The following MYO6 variants were observed in gnomAD, a reference collection of about 807,000 sequenced individuals.
The protein encoded by MYO6 is unconventional myosin-VI.
MYO6 carries 74 observed loss-of-function variants against 178.7 expected under a neutral mutation model. The observed-to-expected ratio is 0.41, with a 90% CI of 0.34 to 0.50. The LOEUF (loss-of-function observed/expected upper bound fraction) is 0.50, where lower values mean the gene tolerates loss of function less well. MYO6 is among the 20% of genes least tolerant of loss of function. The pLI, the probability that MYO6 is intolerant of heterozygous loss-of-function variation, is 0.09. For synonymous variants in MYO6, 477 were observed against 504.6 expected (o/e 0.95, Z 0.73); for missense variants, 1,330 against 1,547.4 (o/e 0.86, Z 2.36).
intron 23 of MYO6, among the ~76,000 whole-genome samples, chr6:75,883,780 C>T (rs916401306): frequency 2.6e-5 from 4 of 152,074 alleles, no homozygotes; most frequent in African/African-American, 9.7e-5. Flanking sequence ...TTTACAGTTG[C>T]CCCTTATACT....
rs907177095 is a variant in MYO6, at chr6:75,915,877, A to T, written c.*865A>T. The T allele has an allele frequency of 6.6e-6, 1 of 152,634 alleles. No individual in the cohort carries two copies. Among genetic ancestry groups the T allele is most frequent in the Non-Finnish European group, 1.5e-5 (1 of 68,026 alleles). The allele number at this position is 152,634 out of a possible 1,614,324, so 9.5% of individuals were successfully genotyped here. ...TCATCTCAATAGTGATTTTTGTATC[A>T]GAATCTTGTCCAAGTTGTTTCATTG... On this transcript the variant is annotated 3_prime_UTR_variant, in exon 35 of 35. Transcript: ENST00000369977.
intron 1 of MYO6, chr6:75,768,089 T>G (rs879577759): frequency 6.7e-6 from 1 of 150,298 alleles, no homozygotes; most frequent in Non-Finnish European, 1.5e-5. Context: ...CAGTTTGCAT[T>G]TGCCCAGGAG....
At chr6:75,909,095 A>T (rs1159024791) in intron 32 of MYO6, among the ~76,000 whole-genome samples, 1 of 152,186 alleles carries the variant, frequency 6.6e-6, no homozygotes, top group Non-Finnish European at 1.5e-5. Flanking sequence ...TTGCCATTTT[A>T]TCCAGGCTGG....
At chr6:75,762,818 A>G (rs1778067372) in intron 1 of MYO6, among the ~76,000 whole-genome samples, 1 of 152,200 alleles carries the variant, frequency 6.6e-6, no homozygotes, top group African/African-American at 2.4e-5. Flanking sequence ...ATAATTACAT[A>G]CTTAATGTAT....
chr6:75,759,311 CT>C (rs775892099), intron 1 of MYO6, among the ~76,000 whole-genome samples: 1 of 152,200 alleles, frequency 6.6e-6, no homozygotes. Flanking sequence ...GATTTTACCC[CT>C]GGTGGTTCAC....
At chr6:75,865,954 C>T (rs1481401652) in intron 16 of MYO6, among the ~76,000 whole-genome samples, 3 of 152,120 alleles carry the variant, frequency 2.0e-5, no homozygotes, top group African/African-American at 7.2e-5. Flanking sequence ...TTTAAAAGTT[C>T]TCCAGGTTGA....
At chr6:75,852,634 C>T (rs1775383895) in intron 11 of MYO6, among the ~76,000 whole-genome samples, 1 of 152,138 alleles carries the variant, frequency 6.6e-6, no homozygotes, top group African/African-American at 2.4e-5. Flanking sequence ...TTTCACTTAG[C>T]ATAATGTTTT....
At chr6:75,903,922 G>T (rs1173503145) in intron 30 of MYO6, among the ~76,000 whole-genome samples, 61 of 151,052 alleles carry the variant, frequency 4.0e-4, no homozygotes, top group African/African-American at 1.5e-3. Flanking sequence ...GGGCAGGCCT[G>T]GTGGTGACAA....
intron 1 of MYO6, among the ~76,000 whole-genome samples, chr6:75,771,593 G>A (rs1765902473): frequency 6.6e-6 from 1 of 152,162 alleles, no homozygotes; most frequent in South Asian, 2.1e-4. Flanking sequence ...TTAAAAGACA[G>A]TATGATGAAA....
chr6:75,775,288 C>G (rs573646017), intron 1 of MYO6, among the ~76,000 whole-genome samples: 4 of 152,140 alleles, frequency 2.6e-5, no homozygotes, highest in Non-Finnish European at 5.9e-5. Context: ...AATAGCCGAG[C>G]TGAGCAAATT....
rs2149438186 is a variant in MYO6 at position 75,916,480 on chromosome 6, T to A, written c.*1468T>A. On this transcript the variant is annotated 3_prime_UTR_variant, in exon 35 of 35. Transcript: ENST00000369977. ...AATTAAATGGTTGTGTCTGTGCTAT[T>A]GAGAATGCAAATGTGATTATCTTTT... 6.5e-6 allele frequency: 1 copy of A among 152,780 alleles called. No individual in the cohort carries two copies. Among genetic ancestry groups the A allele is most frequent in the Non-Finnish European group, 1.5e-5 (1 of 68,028 alleles). 9.5% of individuals were successfully genotyped at this position (152,780 alleles called of 1,614,324 possible). A position where few individuals can be genotyped will look rare whatever the true frequency, so the allele number is the denominator to read the frequency against.
chr6:75,891,356 G>C (rs756641337), intron 27 of MYO6, 50 bp downstream of exon 27: 17 of 1,417,512 alleles, frequency 1.2e-5, no homozygotes, highest in Middle Eastern at 1.8e-4. Flanking sequence ...CTACAGGCTG[G>C]GTGTGGTGGC....
chr6:75,832,778 ACTTT>A, intron 5 of MYO6, 60 bp from the exon 6 acceptor site: 1 of 990,494 alleles, frequency 1.0e-6, no homozygotes, highest in Non-Finnish European at 1.6e-6. Flanking sequence ...CCTAAAGTGA[ACTTT>A]CTATTATTAA....
intron 1 of MYO6, among the ~76,000 whole-genome samples, chr6:75,776,049 C>G (rs1202509384): frequency 6.6e-6 from 1 of 152,126 alleles, no homozygotes; most frequent in East Asian, 1.9e-4. Flanking sequence ...CCCCGAGCAC[C>G]ATTTCTAGGA....
At chr6:75,882,240 C>G (rs940651509) in intron 23 of MYO6, among the ~76,000 whole-genome samples, 3 of 152,162 alleles carry the variant, frequency 2.0e-5, no homozygotes, top group African/African-American at 4.8e-5. Flanking sequence ...CTGTTGATTC[C>G]TTCTCCAAAT....
chr6:75,881,429 C>T (rs549169061), intron 22 of MYO6, among the ~76,000 whole-genome samples: 1 of 138,904 alleles, frequency 7.2e-6, no homozygotes, highest in African/African-American at 2.7e-5. Context: ...GTCATCCCCC[C>T]CCCCCACTTT....
At chr6:75,881,198 G>A (rs921160062) in intron 22 of MYO6, among the ~76,000 whole-genome samples, 12 of 152,166 alleles carry the variant, frequency 7.9e-5, no homozygotes, top group Admixed American at 4.6e-4. Flanking sequence ...AGGCTGCAGT[G>A]AACCAAGATT....
intron 6 of MYO6, among the ~76,000 whole-genome samples, chr6:75,834,394 G>T (rs957139662): frequency 6.6e-6 from 1 of 151,914 alleles, no homozygotes; most frequent in African/African-American, 2.4e-5. Context: ...CCACCATCCT[G>T]GCTAATTTTT....
intron 29 of MYO6, among the ~76,000 whole-genome samples, chr6:75,896,050 T>A (rs1040838735): frequency 6.6e-6 from 1 of 152,254 alleles, no homozygotes; most frequent in Admixed American, 6.5e-5. Flanking sequence ...GGAATATACA[T>A]TTTGTTTATA....
Sources: gnomAD v4.1 joint callset for allele counts (sites outside exome capture counted in the v4.1 genomes callset) on GRCh38, gnomAD v4.1.1 for gene constraint, MANE v1.5 for transcripts, NCBI Gene and HGNC (gene_info 2026-07-23, HGNC 2026-07-21) for gene names.